The following FRAS1 variants were observed in gnomAD, a reference collection of about 807,000 sequenced individuals.
FRAS1 encodes the protein extracellular matrix organizing protein FRAS1.
Under a neutral mutation model 435.2 loss-of-function variants are expected in FRAS1, and 290 were observed. The observed-to-expected ratio is 0.67, with a 90% confidence interval of 0.61 to 0.73. FRAS1 has a LOEUF of 0.73. FRAS1 is among the 30% of genes least tolerant of loss of function. The pLI, the probability that FRAS1 is intolerant of heterozygous loss-of-function variation, is 0.00. For missense variants in FRAS1, 4,860 were observed against 5,001.5 expected, an observed-to-expected ratio of 0.97 and a Z score of 0.85; for synonymous variants, 1,800 against 1,851.0, an observed-to-expected ratio of 0.97 and a Z score of 0.71.
chr4:78,245,792 G>A (rs1362438584), intron 4 of FRAS1, among the ~76,000 whole-genome samples: 2 of 152,094 alleles, frequency 1.3e-5, no homozygotes, highest in Non-Finnish European at 2.9e-5. Context: ...CTAATTCAGG[G>A]CTCTTTTTAC....
intron 2 of FRAS1, among the ~76,000 whole-genome samples, chr4:78,200,154 T>G (rs1186651902): frequency 5.3e-5 from 8 of 152,208 alleles, no homozygotes; most frequent in Admixed American, 2.0e-4. Context: ...GTGGATCTGA[T>G]ACTGGATGAT....
intron 15 of FRAS1, among the ~76,000 whole-genome samples, chr4:78,311,143 G>A (rs1729003098): frequency 8.9e-6 from 1 of 112,866 alleles, no homozygotes; most frequent in African/African-American, 2.7e-5. Flanking sequence ...AGAGGTTTCT[G>A]TTAGTCATTC....
At chr4:78,253,236 C>T (rs894721041) in intron 5 of FRAS1, among the ~76,000 whole-genome samples, 7 of 152,154 alleles carry the variant, frequency 4.6e-5, no homozygotes, top group Non-Finnish European at 8.8e-5. Context: ...CTATTCTACC[C>T]GACCCCACAG....
At chr4:78,464,359 G>A (rs1414762182) in intron 48 of FRAS1, 84 bp from the exon 49 acceptor site, 4 of 1,556,698 alleles carry the variant, frequency 2.6e-6, no homozygotes, top group African/African-American at 2.7e-5. Flanking sequence ...ATGTGTGAAA[G>A]AGAAAAGTAG....
At chr4:78,282,714 G>C in intron 11 of FRAS1, 106 bp from the exon 12 acceptor site, 5 of 1,279,364 alleles carry the variant, frequency 3.9e-6, no homozygotes, top group Non-Finnish European at 5.6e-6. Flanking sequence ...GTACTGATTA[G>C]CTGCCTTCAC....
rs768007088 is a variant in FRAS1, at chr4:78,472,309, G to A, written c.7501G>A (p.Ala2501Thr). Residue 2501 changes from alanine to threonine, a missense_variant, in exon 52 of 74, where the codon GCT becomes ACT. Physicochemically the swap from Ala to Thr is moderately conservative, Grantham distance 58 (BLOSUM62 0). Transcript: ENST00000512123. The part of the protein sequence containing the change: ...FVENKLQPGR[A>T]AATFTQEDVN... ...GGAGAACAAGCTGCAGCCTGGCAGA[G>A]CTGCTGCCACTTTCACCCAGGGTGG... The A allele has an allele frequency of 6.8e-6, 11 of 1,607,460 alleles. No individual in the cohort carries two copies. Among genetic ancestry groups the A allele is most frequent in the Non-Finnish European group, 9.4e-6 (11 of 1,175,654 alleles).
chr4:78,382,512 T>C (rs1383503189), intron 27 of FRAS1, among the ~76,000 whole-genome samples: 2 of 152,106 alleles, frequency 1.3e-5, no homozygotes, highest in Admixed American at 1.3e-4. Flanking sequence ...TTCTCTTCTG[T>C]CCTGGAAGAC....
rs368579699 is a variant in FRAS1, at chr4:78,258,989, T to G, written c.603+3614T>G. 1.9e-4 allele frequency among the ~76,000 whole-genome samples: 26 copies of G among 136,324 alleles called. No homozygotes were observed. In the East Asian group the frequency reaches 2.4e-3, roughly 12 times the overall value. 89.4% of individuals were successfully genotyped at this position (136,324 alleles called of 152,430 possible). ...TTTTGTTCTTGCGATAGTTTACTGA[T>G]AATGATGATTTCCAATTTCATCCAT... On this transcript the variant is annotated intron_variant, in intron 6 of 73. Coordinates refer to ENST00000512123, the MANE Select transcript of FRAS1 (RefSeq NM_025074.7).
chr4:78,374,279 G>A (rs757514568), intron 25 of FRAS1, 28 bp downstream of exon 25: 3 of 1,547,474 alleles, frequency 1.9e-6, no homozygotes, highest in Non-Finnish European at 2.6e-6. Flanking sequence ...GATTATTCTG[G>A]AAAGAAGTGA....
chr4:78,145,773 T>C (rs1035658258), intron 2 of FRAS1, among the ~76,000 whole-genome samples: 1 of 152,196 alleles, frequency 6.6e-6, no homozygotes, highest in Non-Finnish European at 1.5e-5. Context: ...ATTGTAATCT[T>C]TATAATTCCT....
chr4:78,479,725 G>C lies in FRAS1; in HGVS notation c.8443+7G>C, dbSNP rs371246789. The C allele has an allele frequency of 1.3e-6, 2 of 1,556,158 alleles. No homozygotes were observed. The highest frequency in any genetic ancestry group is 1.8e-4 in the Middle Eastern group (1 of 5,488). ...ACTGTCAGTGAGGACGCAGGTAATGGAGAGTGTCTCTGAGTTTCCTTCACC... is the reference window on the plus strand; with the variant it reads ...ACTGTCAGTGAGGACGCAGGTAATGCAGAGTGTCTCTGAGTTTCCTTCACC... On this transcript the variant is annotated splice_region_variant and intron_variant, in intron 56 of 73. Coordinates refer to ENST00000512123, the MANE Select transcript of FRAS1 (RefSeq NM_025074.7).
At chr4:78,123,569 G>T (rs571866017) in intron 2 of FRAS1, among the ~76,000 whole-genome samples, 1 of 152,308 alleles carries the variant, frequency 6.6e-6, no homozygotes, top group African/African-American at 2.4e-5. Context: ...ATTTTGGGCA[G>T]TAAGGCCATT....
At chr4:78,250,301 A>G (rs28413144) in intron 4 of FRAS1, among the ~76,000 whole-genome samples, 4,267 of 152,218 alleles carry the variant, frequency 0.028, 204 homozygotes, top group African/African-American at 0.096. Flanking sequence ...ATACAGATCT[A>G]TGTTTTAACA....
intron 2 of FRAS1, 45 bp from the exon 3 acceptor site, chr4:78,237,465 C>A: frequency 1.5e-6 from 2 of 1,374,584 alleles, no homozygotes; most frequent in Non-Finnish European, 2.1e-6. Context: ...TGTGCTCATA[C>A]CTTGACTGAT....
At chr4:78,300,570 T>C (rs1012257094) in intron 14 of FRAS1, among the ~76,000 whole-genome samples, 1 of 152,166 alleles carries the variant, frequency 6.6e-6, no homozygotes, top group African/African-American at 2.4e-5. Flanking sequence ...TCCTGCTTGC[T>C]AGCAGGTCCT....
intron 2 of FRAS1, among the ~76,000 whole-genome samples, chr4:78,113,644 T>G (rs1340158970): frequency 1.3e-5 from 2 of 152,260 alleles, no homozygotes; most frequent in Admixed American, 6.5e-5. Flanking sequence ...AAATGTCTGT[T>G]CATATCCTTT....
intron 2 of FRAS1, among the ~76,000 whole-genome samples, chr4:78,077,454 A>G (rs1178831214): frequency 6.6e-6 from 1 of 151,924 alleles, no homozygotes; most frequent in East Asian, 1.9e-4. Flanking sequence ...TTTTATTTGT[A>G]TACATTCACA....
intron 50 of FRAS1, among the ~76,000 whole-genome samples, chr4:78,469,172 C>T (rs1207962454): frequency 3.3e-5 from 5 of 152,154 alleles, no homozygotes; most frequent in African/African-American, 9.7e-5. Flanking sequence ...CAAAATGTTA[C>T]AACAGGTCTC....
chr4:78,494,228 T>G (rs1720447250), intron 59 of FRAS1, among the ~76,000 whole-genome samples: 1 of 152,218 alleles, frequency 6.6e-6, no homozygotes, highest in Admixed American at 6.5e-5. Context: ...CTATGTTTTT[T>G]AGGTGTACAT....
Sources: gnomAD v4.1 joint callset for allele counts (sites outside exome capture counted in the v4.1 genomes callset) on GRCh38, gnomAD v4.1.1 for gene constraint, MANE v1.5 for transcripts, NCBI Gene and HGNC (gene_info 2026-07-23, HGNC 2026-07-21) for gene names.